ARHGAP35: variants seen among roughly 807,000 people sequenced by gnomAD.
ARHGAP35 encodes rho GTPase-activating protein 35.
ARHGAP35 carries 15 observed loss-of-function variants against 111.1 expected under a neutral mutation model. The observed-to-expected ratio is 0.13, with a 90% CI of 0.09 to 0.21. The LOEUF is 0.21. ARHGAP35 is among the 10% of genes least tolerant of loss of function. The probability of loss-of-function intolerance (pLI) is 1.00; values close to 1 mark genes in which losing one functional copy is unlikely to be tolerated. For missense variants in ARHGAP35, 1,262 were observed against 1,873.0 expected, an observed-to-expected ratio of 0.67 and a Z score of 6.02; for synonymous variants, 643 against 710.3, an observed-to-expected ratio of 0.91 and a Z score of 1.51.
chr19:46,954,965 A>G lies in ARHGAP35; in HGVS notation c.3826+17557A>G, dbSNP rs375868570. On this transcript the variant is annotated intron_variant, in intron 3 of 6. Coordinates refer to ENST00000672722, the MANE Select transcript of ARHGAP35 (RefSeq NM_004491.5). ...TGGGGCTGGGCTATCTGTGGAGAGC[A>G]CTTACTTCTCCGTAACCCATGAAGC... Among the ~76,000 whole-genome samples, 258 of 152,318 alleles carry G rather than the reference A, an allele frequency of 1.7e-3. 1 individual carries two copies. Among genetic ancestry groups the G allele is most frequent in the African/African-American group, 5.9e-3 (245 of 41,576 alleles).
At chr19:46,985,925 A>G (rs1006253137) in intron 3 of ARHGAP35, among the ~76,000 whole-genome samples, 3 of 152,102 alleles carry the variant, frequency 2.0e-5, no homozygotes, top group Admixed American at 1.3e-4. Context: ...AGTTGCTTTT[A>G]TCTTGCCTGA....
intron 3 of ARHGAP35, among the ~76,000 whole-genome samples, chr19:46,953,527 C>T (rs1213639848): frequency 3.9e-5 from 6 of 152,154 alleles, no homozygotes; most frequent in Non-Finnish European, 8.8e-5. Context: ...CAGGACTTGG[C>T]CTTTGCTTAA....
chr19:46,894,988 GA>G (rs1277216493), intron 1 of ARHGAP35, among the ~76,000 whole-genome samples: 1 of 152,150 alleles, frequency 6.6e-6, no homozygotes, highest in Non-Finnish European at 1.5e-5. Flanking sequence ...GGATTTATGT[GA>G]ATACTGCTAG....
rs938304948 is a variant in ARHGAP35, at chr19:46,926,364, T to C, written c.3681+4008T>C. On this transcript the variant is annotated intron_variant, in intron 2 of 6. Transcript: ENST00000672722. This position sits in a 1 kb window ranked among gnomAD's most constrained non-coding sequence, Gnocchi z 4.1. ...TTGAAAATCTACGATTGCACTTCAG[T>C]AGGGTCCATGAATAGTGGCTTTGTC... Among the ~76,000 whole-genome samples the C allele has an allele frequency of 1.3e-5, 2 of 152,150 alleles. No individual in the cohort carries two copies. Among genetic ancestry groups the C allele is most frequent in the Non-Finnish European group, 2.9e-5 (2 of 68,018 alleles).
chr19:46,915,429 G>T (rs2056157608), intron 1 of ARHGAP35, among the ~76,000 whole-genome samples: 1 of 152,100 alleles, frequency 6.6e-6, no homozygotes. Context: ...AGAGGGTTTG[G>T]CTTTCTGGGA....
Position 47,000,537 on chromosome 19 carries a change from G to GCT in ARHGAP35, c.4351_4352dup (p.Ser1453ProfsTer347). 1 of 1,612,984 alleles carries GCT rather than the reference G, an allele frequency of 6.2e-7. No individual in the cohort carries two copies. The highest frequency in any genetic ancestry group is 8.5e-7 in the Non-Finnish European group (1 of 1,179,746). ...ACCGAGCCCCCCGGCGCCAGGCCCAGCTCCCCCTCTGCCGTGGCTTCCACC... is the reference window on the plus strand; with the variant it reads ...ACCGAGCCCCCCGGCGCCAGGCCCAGCTCTCCCCCTCTGCCGTGGCTTCCACC... On this transcript the variant is annotated frameshift_variant, in exon 7 of 7. Coordinates refer to ENST00000672722, the MANE Select transcript of ARHGAP35 (RefSeq NM_004491.5). LOFTEE classifies it high-confidence loss of function. The surrounding 1 kb of genome is among the most constrained non-coding windows in gnomAD (Gnocchi z 6.9).
intron 3 of ARHGAP35, among the ~76,000 whole-genome samples, chr19:46,949,698 A>G (rs1015549768): frequency 6.6e-6 from 1 of 152,172 alleles, no homozygotes; most frequent in Admixed American, 6.5e-5. Context: ...AAGACACCTA[A>G]ACTTTCTAAG....
chr19:46,883,871 G>A (rs556701455), intron 1 of ARHGAP35, among the ~76,000 whole-genome samples: 1 of 152,088 alleles, frequency 6.6e-6, no homozygotes, highest in East Asian at 1.9e-4. Flanking sequence ...CCTGGGCAAT[G>A]TGGTGAAACC....
At chr19:46,980,141 T>A (rs2056613427) in intron 3 of ARHGAP35, among the ~76,000 whole-genome samples, 1 of 151,920 alleles carries the variant, frequency 6.6e-6, no homozygotes, top group Non-Finnish European at 1.5e-5. Flanking sequence ...TCCCAGCACT[T>A]TGGGAGGCAA....
chr19:46,861,875 T>G (rs933134988), intron 1 of ARHGAP35, among the ~76,000 whole-genome samples: 2 of 151,784 alleles, frequency 1.3e-5, no homozygotes, highest in Non-Finnish European at 2.9e-5. Flanking sequence ...CTGCCCCAGG[T>G]CTTCCCCTTG....
At position 46,988,373 on chromosome 19, in the gene ARHGAP35, C is replaced by T. The variant is rs2056662446; in HGVS notation, c.3904+307C>T. On this transcript the variant is annotated intron_variant, in intron 4 of 6. Coordinates refer to ENST00000672722, the MANE Select transcript of ARHGAP35 (RefSeq NM_004491.5). The surrounding 1 kb of genome is among the most constrained non-coding windows in gnomAD (Gnocchi z 5.4). Reference sequence around the variant, plus strand: ...TCCCTCACCACACTGAAGAGCTTTGCCTGTTTTCCCATGCAGAGCTAGTTG... The same window carrying T: ...TCCCTCACCACACTGAAGAGCTTTGTCTGTTTTCCCATGCAGAGCTAGTTG... The T allele has an allele frequency of 2.8e-6, 1 of 352,648 alleles. No homozygotes were observed. The highest frequency in any genetic ancestry group is 4.1e-5 in the Admixed American group (1 of 24,272). 21.8% of individuals were successfully genotyped at this position (352,648 alleles called of 1,614,324 possible). A position where few individuals can be genotyped will look rare whatever the true frequency, so the allele number is the denominator to read the frequency against.
intron 3 of ARHGAP35, among the ~76,000 whole-genome samples, chr19:46,954,985 T>C (rs761806644): frequency 3.9e-5 from 6 of 152,172 alleles, no homozygotes; most frequent in Non-Finnish European, 8.8e-5. Flanking sequence ...CCGTAACCCA[T>C]GAAGCCAGTG....
chr19:46,865,537 G>A lies in ARHGAP35; in HGVS notation c.-189+4328G>A, dbSNP rs185917132. 9.6e-4 allele frequency among the ~76,000 whole-genome samples: 146 copies of A among 152,310 alleles called. No homozygotes were observed. The Middle Eastern group carries it at 0.014, about 14-fold the overall frequency. Reference sequence around the variant, plus strand: ...GATTCATGGGCAGATCCATGGACCTGATGGTGACTTTTGGCAAAGGACACA... The same window carrying A: ...GATTCATGGGCAGATCCATGGACCTAATGGTGACTTTTGGCAAAGGACACA... On this transcript the variant is annotated intron_variant, in intron 1 of 6. Transcript: ENST00000672722.
intron 3 of ARHGAP35, among the ~76,000 whole-genome samples, chr19:46,960,641 G>A (rs2056475287): frequency 6.6e-6 from 1 of 152,166 alleles, no homozygotes; most frequent in South Asian, 2.1e-4. Context: ...GAAGTAAAAA[G>A]TAAAGTCATT....
chr19:46,983,791 A>AT (rs2056634194), intron 3 of ARHGAP35, among the ~76,000 whole-genome samples: 1 of 150,994 alleles, frequency 6.6e-6, no homozygotes, highest in African/African-American at 2.4e-5. Context: ...TTTTTTTTGT[A>AT]TTTTTAGTAG....
chr19:46,888,946 G>A (rs1309337515), intron 1 of ARHGAP35, among the ~76,000 whole-genome samples: 1 of 151,804 alleles, frequency 6.6e-6, no homozygotes, highest in Non-Finnish European at 1.5e-5. Flanking sequence ...GTTGCAGTGA[G>A]CCAAGATCAC....
intron 3 of ARHGAP35, among the ~76,000 whole-genome samples, chr19:46,968,808 C>T (rs944195172): frequency 6.6e-5 from 10 of 152,202 alleles, no homozygotes; most frequent in South Asian, 2.1e-4. Flanking sequence ...ATTAGTGGGC[C>T]GGGTGCAGTG....
chr19:46,978,774 T>G (rs1599861215), intron 3 of ARHGAP35, among the ~76,000 whole-genome samples: 1 of 89,100 alleles, frequency 1.1e-5, no homozygotes, highest in Non-Finnish European at 2.1e-5. Flanking sequence ...ATGTGTGTGG[T>G]GGAATGTGTC....
chr19:46,933,629 C>A (rs1159146821), intron 2 of ARHGAP35, among the ~76,000 whole-genome samples: 1 of 152,130 alleles, frequency 6.6e-6, no homozygotes, highest in Non-Finnish European at 1.5e-5. Context: ...AATACCCACA[C>A]CCACAAATAT....
Sources: gnomAD v4.1 joint callset for allele counts (sites outside exome capture counted in the v4.1 genomes callset) on GRCh38, gnomAD v4.1.1 for gene constraint, Gnocchi (gnomAD v3.1) non-coding constraint, MANE v1.5 for transcripts, NCBI Gene and HGNC (gene_info 2026-07-23, HGNC 2026-07-21) for gene names.